The following LDB2 variants were observed in gnomAD, a reference collection of about 807,000 sequenced individuals.
LDB2 encodes the protein LIM domain-binding protein 2.
LDB2 carries 12 observed loss-of-function variants against 44.3 expected under a neutral mutation model. The ratio of observed to expected loss-of-function variants is 0.27; its 90% CI spans 0.17 to 0.44. The LOEUF (loss-of-function observed/expected upper bound fraction) is 0.44, where lower values mean the gene tolerates loss of function less well. Among genes scored for constraint, LDB2 ranks in the 20% least tolerant of loss-of-function variants. The pLI is 1.00. For missense variants in LDB2, 344 were observed against 473.5 expected (o/e 0.73, Z 2.54); for synonymous variants, 164 against 174.8 (o/e 0.94, Z 0.49).
At chr4:16,614,890 G>C (rs562753631) in intron 2 of LDB2, among the ~76,000 whole-genome samples, 1 of 150,464 alleles carries the variant, frequency 6.6e-6, no homozygotes, top group Non-Finnish European at 1.5e-5. Context: ...CTAAAACGGT[G>C]AAACCCCGTC....
At chr4:16,826,260 A>T (rs1783051722) in intron 1 of LDB2, among the ~76,000 whole-genome samples, 1 of 152,240 alleles carries the variant, frequency 6.6e-6, no homozygotes, top group Non-Finnish European at 1.5e-5. Context: ...TTTAAATCAC[A>T]TAATTGTCAC....
At chr4:16,707,831 G>A (rs1323652694) in intron 2 of LDB2, among the ~76,000 whole-genome samples, 3 of 152,022 alleles carry the variant, frequency 2.0e-5, no homozygotes, top group Admixed American at 6.6e-5. Flanking sequence ...AAAATACATC[G>A]TGAAAAAATG....
chr4:16,871,467 G>A (rs1716556483), intron 1 of LDB2, among the ~76,000 whole-genome samples: 1 of 152,178 alleles, frequency 6.6e-6, no homozygotes, highest in Non-Finnish European at 1.5e-5. Context: ...TATTCTTCCA[G>A]TATTCGAGAA....
intron 2 of LDB2, among the ~76,000 whole-genome samples, chr4:16,739,678 G>A (rs1259660626): frequency 7.8e-5 from 5 of 64,172 alleles, no homozygotes; most frequent in South Asian, 4.3e-4. Flanking sequence ...ATACATATGT[G>A]TGTATATATG....
chr4:16,639,540 C>A lies in LDB2; in HGVS notation c.236-43665G>T, dbSNP rs527669234. On this transcript the variant is annotated intron_variant, in intron 2 of 7. Coordinates refer to ENST00000304523, the MANE Select transcript of LDB2 (RefSeq NM_001290.5). ...GCCATGGCACGATCTCGGCTCACTG[C>A]AACTTCCACCTACCAGGTTCAAGCA... Among the ~76,000 whole-genome samples, 11 of 152,362 alleles carry A rather than the reference C, an allele frequency of 7.2e-5. No homozygotes were observed. The South Asian group carries it at 2.3e-3, about 32-fold the overall frequency.
chr4:16,869,664 G>A (rs1428367952), intron 1 of LDB2, among the ~76,000 whole-genome samples: 1 of 152,148 alleles, frequency 6.6e-6, no homozygotes, highest in African/African-American at 2.4e-5. Context: ...CAAAACCACT[G>A]CACCATGGGT....
intron 1 of LDB2, among the ~76,000 whole-genome samples, chr4:16,804,277 G>T (rs1002352139): frequency 3.9e-5 from 6 of 151,986 alleles, no homozygotes; most frequent in African/African-American, 1.5e-4. Flanking sequence ...TAGATTTTGT[G>T]TTTATATTAC....
intron 1 of LDB2, among the ~76,000 whole-genome samples, chr4:16,773,819 C>T (rs764950890): frequency 6.6e-6 from 1 of 151,884 alleles, no homozygotes; most frequent in Non-Finnish European, 1.5e-5. Flanking sequence ...TCTACAGCCT[C>T]GAACTCCTGG....
intron 1 of LDB2, among the ~76,000 whole-genome samples, chr4:16,829,650 T>C (rs1783707517): frequency 6.6e-6 from 1 of 152,184 alleles, no homozygotes; most frequent in Admixed American, 6.5e-5. Flanking sequence ...TACTAACTCA[T>C]GGGGTTGTTT....
intron 2 of LDB2, among the ~76,000 whole-genome samples, chr4:16,697,016 G>T (rs16893815): frequency 1.3e-5 from 2 of 152,036 alleles, no homozygotes; most frequent in South Asian, 4.2e-4. Context: ...ATATGGAAAT[G>T]GTAACTTGGA....
At chr4:16,775,032 G>C (rs1771595992) in intron 1 of LDB2, among the ~76,000 whole-genome samples, 1 of 152,192 alleles carries the variant, frequency 6.6e-6, no homozygotes, top group Non-Finnish European at 1.5e-5. Context: ...AGAGAAGCCA[G>C]ACACAAAAGG....
In LDB2 at chr4:16,871,752, C is replaced by T. The variant is rs568374607; in HGVS notation, c.132+26602G>A. On this transcript the variant is annotated intron_variant, in intron 1 of 7. Coordinates refer to ENST00000304523, the MANE Select transcript of LDB2 (RefSeq NM_001290.5). ...TCCCCTGCCTCAGCCTCCCAAGTAC[C>T]TGGGATCACAGGCGCCCACCACCAC... Among the ~76,000 whole-genome samples the T allele has an allele frequency of 1.1e-4, 17 of 151,884 alleles. No homozygotes were observed. In the South Asian group the frequency reaches 3.5e-3, roughly 32 times the overall value.
intron 5 of LDB2, among the ~76,000 whole-genome samples, chr4:16,519,036 T>C (rs754395387): frequency 5.3e-5 from 8 of 152,244 alleles, no homozygotes; most frequent in Non-Finnish European, 1.2e-4. Context: ...TCGTGAATCT[T>C]TGCACATCCC....
At chr4:16,803,576 G>GA (rs748757926) in intron 1 of LDB2, among the ~76,000 whole-genome samples, 13 of 151,984 alleles carry the variant, frequency 8.6e-5, no homozygotes, top group South Asian at 2.1e-4. Flanking sequence ...CAATTGATGA[G>GA]AAAAAAATGC....
intron 5 of LDB2, among the ~76,000 whole-genome samples, chr4:16,561,016 A>G (rs1179391365): frequency 6.6e-6 from 1 of 152,232 alleles, no homozygotes; most frequent in Non-Finnish European, 1.5e-5. Context: ...AAAATTCAAC[A>G]ACCCTTCATG....
At chr4:16,584,565 A>C (rs1319444377) in intron 5 of LDB2, among the ~76,000 whole-genome samples, 2 of 152,236 alleles carry the variant, frequency 1.3e-5, no homozygotes, top group Non-Finnish European at 2.9e-5. Flanking sequence ...CTTCAGTCAC[A>C]AGATACATGG....
At chr4:16,646,050 C>A (rs929307419) in intron 2 of LDB2, among the ~76,000 whole-genome samples, 2 of 152,094 alleles carry the variant, frequency 1.3e-5, no homozygotes, top group Non-Finnish European at 2.9e-5. Context: ...CTCTTTATAC[C>A]CCCAAATTTT....
At chr4:16,717,585 G>T (rs1214542441) in intron 2 of LDB2, among the ~76,000 whole-genome samples, 1 of 152,110 alleles carries the variant, frequency 6.6e-6, no homozygotes, top group Admixed American at 6.6e-5. Context: ...CATATAAAAA[G>T]TTTTCTGTAT....
At chr4:16,761,029 T>C (rs1363899511) in intron 1 of LDB2, among the ~76,000 whole-genome samples, 3 of 151,724 alleles carry the variant, frequency 2.0e-5, no homozygotes, top group Admixed American at 2.0e-4. Flanking sequence ...TTCTCTTCAA[T>C]ACAAATATAA....
Sources: gnomAD v4.1 joint callset for allele counts (sites outside exome capture counted in the v4.1 genomes callset) on GRCh38, gnomAD v4.1.1 for gene constraint, MANE v1.5 for transcripts, NCBI Gene and HGNC (gene_info 2026-07-23, HGNC 2026-07-21) for gene names.